KCNQ3: variants seen among roughly 807,000 people sequenced by gnomAD.
KCNQ3 encodes the protein potassium voltage-gated channel subfamily KQT member 3.
KCNQ3 carries 30 observed loss-of-function variants against 92.5 expected under a neutral mutation model. The observed-to-expected ratio is 0.32, with a 90% CI of 0.24 to 0.44. The LOEUF (loss-of-function observed/expected upper bound fraction) is 0.44. KCNQ3 is among the 20% of genes least tolerant of loss of function. The pLI, the probability that KCNQ3 is intolerant of heterozygous loss-of-function variation, is 1.00. For synonymous variants in KCNQ3, 450 were observed against 468.8 expected (o/e 0.96, Z 0.52); for missense variants, 913 against 1,140.3 (o/e 0.80, Z 2.87).
chr8:132,211,970 A>C (rs1194075473), intron 1 of KCNQ3, among the ~76,000 whole-genome samples: 1 of 151,918 alleles, frequency 6.6e-6, no homozygotes, highest in African/African-American at 2.4e-5. Context: ...AAAAAAAAAA[A>C]AACTTTTAAC....
At position 132,244,055 on chromosome 8, in the gene KCNQ3, C is replaced by T. The variant is rs1483650916; in HGVS notation, c.387-57874G>A. 6.6e-5 allele frequency among the ~76,000 whole-genome samples: 10 copies of T among 152,128 alleles called. 1 individual carries two copies. The highest frequency in any genetic ancestry group is 6.5e-4 in the Admixed American group (10 of 15,282). ...AGATGTCATTGTGCAGATTCAACCA[C>T]TGATGAAGGACTGAGGCCCCTGGTC... On this transcript the variant is annotated intron_variant, in intron 1 of 14. Transcript: ENST00000388996.
Position 132,150,252 on chromosome 8 carries a change from C to T in KCNQ3, c.1263-8921G>A, listed in dbSNP as rs375846368. ...GCTGGTAGCAAACTTTGCTGCAGGC[C>T]TCCATCTTGATTTACATCCTTGAGG... On this transcript the variant is annotated intron_variant, in intron 9 of 14. Coordinates refer to ENST00000388996, the MANE Select transcript of KCNQ3 (RefSeq NM_004519.4). 5.3e-5 allele frequency among the ~76,000 whole-genome samples: 8 copies of T among 152,272 alleles called. No individual in the cohort carries two copies. The South Asian group carries it at 1.7e-3, about 32-fold the overall frequency.
At chr8:132,372,436 T>C (rs1474394039) in intron 1 of KCNQ3, among the ~76,000 whole-genome samples, 2 of 152,090 alleles carry the variant, frequency 1.3e-5, no homozygotes, top group African/African-American at 2.4e-5. Context: ...CCCCCAGGGC[T>C]GTTCTGAGAT....
At chr8:132,172,554 C>T (rs1373636318) in intron 7 of KCNQ3, 44 bp downstream of exon 7, 3 of 1,516,598 alleles carry the variant, frequency 2.0e-6, no homozygotes, top group African/African-American at 1.4e-5. Flanking sequence ...TGTACATATG[C>T]ATGGATCTTA....
chr8:132,189,000 A>G (rs1039943743), intron 1 of KCNQ3, among the ~76,000 whole-genome samples: 2 of 152,228 alleles, frequency 1.3e-5, no homozygotes, highest in African/African-American at 4.8e-5. Flanking sequence ...ACAAAGAACC[A>G]GGTTTGATTT....
At chr8:132,171,049 A>C (rs1306059369) in intron 7 of KCNQ3, among the ~76,000 whole-genome samples, 1 of 152,076 alleles carries the variant, frequency 6.6e-6, no homozygotes, top group Non-Finnish European at 1.5e-5. Context: ...AATATTTAAA[A>C]ATAAACAGAA....
At chr8:132,344,179 G>C (rs907169270) in intron 1 of KCNQ3, among the ~76,000 whole-genome samples, 1 of 152,170 alleles carries the variant, frequency 6.6e-6, no homozygotes, top group African/African-American at 2.4e-5. Context: ...TATCCAGGTT[G>C]CAAGGAAATC....
chr8:132,355,404 G>A (rs2130712319), intron 1 of KCNQ3, among the ~76,000 whole-genome samples: 1 of 152,096 alleles, frequency 6.6e-6, no homozygotes, highest in Admixed American at 6.5e-5. Flanking sequence ...TCCGTTATCT[G>A]TCCAGGGAGA....
chr8:132,186,931 TGTGAGAGAGA>T (rs1826979317), intron 1 of KCNQ3, among the ~76,000 whole-genome samples: 1 of 110,230 alleles, frequency 9.1e-6, no homozygotes, highest in Admixed American at 9.6e-5. Flanking sequence ...TGTGTGTGTG[TGTGAGAGAGA>T]GAGAGAGAGA....
chr8:132,463,261 C>T (rs1488226904), intron 1 of KCNQ3, among the ~76,000 whole-genome samples: 1 of 152,094 alleles, frequency 6.6e-6, no homozygotes, highest in Non-Finnish European at 1.5e-5. Context: ...GAATAAGAAG[C>T]GTAGTTCAAG....
At chr8:132,157,641 G>GTTATA (rs112632286) in intron 9 of KCNQ3, among the ~76,000 whole-genome samples, 64,188 of 151,468 alleles carry the variant, frequency 0.42, 13,884 homozygotes, top group East Asian at 0.49. Context: ...TGTAACCTGT[G>GTTATA]TTTTATTTTA....
At chr8:132,363,725 C>T (rs1357003706) in intron 1 of KCNQ3, among the ~76,000 whole-genome samples, 5 of 151,714 alleles carry the variant, frequency 3.3e-5, no homozygotes, top group African/African-American at 1.2e-4. Flanking sequence ...CACGTGCTCA[C>T]GTCATTCACT....
chr8:132,378,212 G>A (rs1819660940), intron 1 of KCNQ3, among the ~76,000 whole-genome samples: 1 of 152,022 alleles, frequency 6.6e-6, no homozygotes, highest in African/African-American at 2.4e-5. Context: ...TGGCCAACAT[G>A]GTGAAACCTC....
chr8:132,254,238 A>G (rs893038584), intron 1 of KCNQ3, among the ~76,000 whole-genome samples: 3 of 152,216 alleles, frequency 2.0e-5, no homozygotes, highest in African/African-American at 7.2e-5. Flanking sequence ...AGGAAAGTGC[A>G]TGTTCTCCCT....
intron 1 of KCNQ3, chr8:132,447,073 G>T: frequency 1.3e-6 from 1 of 776,232 alleles, no homozygotes; most frequent in East Asian, 2.7e-5. Context: ...GGAACCCAGG[G>T]TGAGTCACAT....
chr8:132,394,824 C>T (rs1316674075), intron 1 of KCNQ3, among the ~76,000 whole-genome samples: 1 of 152,164 alleles, frequency 6.6e-6, no homozygotes, highest in Non-Finnish European at 1.5e-5. Flanking sequence ...TGTCTGCTGC[C>T]AAAAGCCAGT....
chr8:132,129,613 G>A lies in KCNQ3; in HGVS notation c.2268C>T (p.Ser756=), dbSNP rs1824792255. The change falls in exon 15 of 15, where the codon TCC becomes TCT. Residue 756 remains serine (S), a synonymous_variant. Coordinates refer to ENST00000388996, the MANE Select transcript of KCNQ3 (RefSeq NM_004519.4). This position sits in a 1 kb window ranked among gnomAD's most constrained non-coding sequence, Gnocchi z 5.9. ...TVLPILTLLD[S]RVSCHSQADL... is the part of the protein sequence containing the mutation. Reference sequence around the variant, plus strand: ...CAGCCTGGGAGTGGCAGCTCACTCGGGAGTCGAGAAGAGTCAAGATAGGCA... The same window carrying A: ...CAGCCTGGGAGTGGCAGCTCACTCGAGAGTCGAGAAGAGTCAAGATAGGCA... 1.2e-6 allele frequency: 2 copies of A among 1,614,044 alleles called. No homozygotes were observed. The highest frequency in any genetic ancestry group is 3.3e-5 in the Admixed American group (2 of 59,998).
At chr8:132,283,020 A>G (rs1331664494) in intron 1 of KCNQ3, among the ~76,000 whole-genome samples, 2 of 152,068 alleles carry the variant, frequency 1.3e-5, no homozygotes, top group East Asian at 3.9e-4. Flanking sequence ...CTGGGAGGGA[A>G]TCACAGATGG....
intron 1 of KCNQ3, among the ~76,000 whole-genome samples, chr8:132,232,456 C>T (rs141017402): frequency 6.6e-6 from 1 of 152,234 alleles, no homozygotes; most frequent in Non-Finnish European, 1.5e-5. Flanking sequence ...CACACACATT[C>T]AGAATCTACT....
Sources: allele counts gnomAD v4.1 joint callset (sites outside exome capture counted in the v4.1 genomes callset), GRCh38; gene constraint gnomAD v4.1.1; non-coding constraint Gnocchi (gnomAD v3.1); transcripts MANE v1.5; gene names NCBI Gene and HGNC (gene_info 2026-07-23, HGNC 2026-07-21).